The following CLIP1 variants were observed in gnomAD, a reference collection of about 807,000 sequenced individuals.
CLIP1 encodes CAP-Gly domain containing linker protein 1, also known as CAP-Gly domain-containing linker protein 1.
CLIP1 carries 66 observed loss-of-function variants against 161.6 expected under a neutral mutation model. The ratio of observed to expected loss-of-function variants is 0.41; its 90% CI spans 0.33 to 0.50. The LOEUF (loss-of-function observed/expected upper bound fraction) is 0.50. Among genes scored for constraint, CLIP1 ranks in the 20% least tolerant of loss-of-function variants. CLIP1 has a pLI of 0.27. For synonymous variants in CLIP1, 598 were observed against 626.2 expected, an observed-to-expected ratio of 0.96 and a Z score of 0.67; for missense variants, 1,376 against 1,702.0, an observed-to-expected ratio of 0.81 and a Z score of 3.37.
intron 24 of CLIP1, chr12:122,274,476 A>T (rs12809220): frequency 0.25 from 42,181 of 170,302 alleles, 6,290 homozygotes; most frequent in East Asian, 0.63. Context: ...TTAAAAAAAA[A>T]TTTAAATTAC....
chr12:122,407,601 TGAA>T (rs1956369081), intron 1 of CLIP1, among the ~76,000 whole-genome samples: 1 of 150,724 alleles, frequency 6.6e-6, no homozygotes, highest in South Asian at 2.1e-4. Context: ...TCTGGGAGGC[TGAA>T]GGAGGATCAC....
chr12:122,388,364 C>A (rs565049468), intron 1 of CLIP1, among the ~76,000 whole-genome samples: 23 of 152,272 alleles, frequency 1.5e-4, no homozygotes, highest in African/African-American at 5.5e-4. Flanking sequence ...GGACTACAGG[C>A]ACCTGCAACC....
chr12:122,383,573 G>A (rs978011432), intron 1 of CLIP1, among the ~76,000 whole-genome samples: 1 of 152,142 alleles, frequency 6.6e-6, no homozygotes, highest in African/African-American at 2.4e-5. Flanking sequence ...TGTGACCAAG[G>A]TTTAATGAAG....
intron 1 of CLIP1, among the ~76,000 whole-genome samples, chr12:122,389,533 C>G (rs1361659584): frequency 6.6e-6 from 1 of 151,930 alleles, no homozygotes; most frequent in South Asian, 2.1e-4. Flanking sequence ...CCAAAGCCGG[C>G]GGATCACTTG....
chr12:122,369,479 G>A (rs919246160), intron 3 of CLIP1, among the ~76,000 whole-genome samples: 21 of 151,774 alleles, frequency 1.4e-4, no homozygotes, highest in Non-Finnish European at 2.6e-4. Context: ...AGTGACGACT[G>A]TATTCAAAAC....
rs149906305 is a variant in CLIP1, at chr12:122,345,083, T to C, written c.1506+2292A>G. ...AAAAAATATATTACTTCAAAAGCCA[T>C]CACACTAAAGGAACTCAATCTCATT... On this transcript the variant is annotated intron_variant, in intron 10 of 25. Transcript: ENST00000620786. Among the ~76,000 whole-genome samples, 301 of 152,042 alleles carry C rather than the reference T, an allele frequency of 2.0e-3. 3 individuals carry two copies. Among genetic ancestry groups the C allele is most frequent in the African/African-American group, 7.0e-3 (289 of 41,446 alleles).
At chr12:122,289,564 T>C (rs1956009314) in intron 20 of CLIP1, among the ~76,000 whole-genome samples, 1 of 152,180 alleles carries the variant, frequency 6.6e-6, no homozygotes, top group African/African-American at 2.4e-5. Context: ...TGTACTCACA[T>C]CCATCAATTC....
At chr12:122,394,523 G>A (rs1423510899) in intron 1 of CLIP1, among the ~76,000 whole-genome samples, 1 of 150,320 alleles carries the variant, frequency 6.7e-6, no homozygotes, top group Non-Finnish European at 1.5e-5. Context: ...GATGGAAAGG[G>A]ACAATTTATC....
Position 122,272,691 on chromosome 12 carries a change from A to G in CLIP1, c.*184T>C. ...GTGAAAACTCACCTACTAAATATTT[A>G]TTATTCTAACTCATACGGGGAGACT... On this transcript the variant is annotated 3_prime_UTR_variant, in exon 26 of 26. Coordinates refer to ENST00000620786, the MANE Select transcript of CLIP1 (RefSeq NM_001247997.2). 5.1e-6 allele frequency: 3 copies of G among 586,158 alleles called. No homozygotes were observed. The highest frequency in any genetic ancestry group is 6.1e-6 in the Non-Finnish European group (2 of 328,434). 36.3% of individuals were successfully genotyped at this position (586,158 alleles called of 1,614,324 possible). A position where few individuals can be genotyped will look rare whatever the true frequency, so the allele number is the denominator to read the frequency against.
Position 122,273,114 on chromosome 12 carries a change from T to C in CLIP1, c.4092-14A>G, listed in dbSNP as rs1323279333. On this transcript the variant is annotated splice_polypyrimidine_tract_variant and intron_variant, in intron 25 of 25. Transcript: ENST00000620786. ...TCCTGATCATCACTACAAATGTTAA[T>C]GTGTGAAATCAGAAAATTTATCAGA... 3 of 1,603,330 alleles carry C rather than the reference T, an allele frequency of 1.9e-6. No homozygotes were observed. In the South Asian group the frequency reaches 3.3e-5, roughly 18 times the overall value.
At chr12:122,301,495 G>A (rs553136802) in intron 20 of CLIP1, among the ~76,000 whole-genome samples, 4 of 152,138 alleles carry the variant, frequency 2.6e-5, no homozygotes, top group South Asian at 2.1e-4. Context: ...CCAATATGGC[G>A]AAACCCCATC....
At chr12:122,390,597 C>T (rs989292461) in intron 1 of CLIP1, among the ~76,000 whole-genome samples, 3 of 151,780 alleles carry the variant, frequency 2.0e-5, no homozygotes, top group African/African-American at 7.3e-5. Context: ...CAGGTGTGAG[C>T]CACTGCACCT....
intron 5 of CLIP1, among the ~76,000 whole-genome samples, chr12:122,356,905 G>C (rs1259019840): frequency 6.6e-6 from 1 of 152,250 alleles, no homozygotes; most frequent in Admixed American, 6.5e-5. Flanking sequence ...CTCCCGAGGT[G>C]CCGAGATTGC....
chr12:122,344,966 T>C (rs1199620733), intron 10 of CLIP1, among the ~76,000 whole-genome samples: 1 of 145,910 alleles, frequency 6.9e-6, no homozygotes, highest in Admixed American at 7.0e-5. Flanking sequence ...TAAACCATGG[T>C]GTAACTGAAT....
intron 8 of CLIP1, among the ~76,000 whole-genome samples, chr12:122,352,057 A>C (rs1593135784): frequency 9.5e-6 from 1 of 105,262 alleles, no homozygotes; most frequent in Admixed American, 1.1e-4. Context: ...TTTGTTGTGG[A>C]CTTTTTTTTT....
intron 1 of CLIP1, among the ~76,000 whole-genome samples, chr12:122,402,518 G>C (rs1376325407): frequency 6.6e-6 from 1 of 152,014 alleles, no homozygotes; most frequent in Non-Finnish European, 1.5e-5. Context: ...GTTCATGCCT[G>C]TAATCCCAGC....
At chr12:122,410,511 T>C (rs940032720) in intron 1 of CLIP1, among the ~76,000 whole-genome samples, 2 of 147,530 alleles carry the variant, frequency 1.4e-5, no homozygotes, top group African/African-American at 5.0e-5. Context: ...CAGGCTGGAG[T>C]GCAGTGGCGC....
intron 1 of CLIP1, among the ~76,000 whole-genome samples, chr12:122,383,182 A>G (rs756963222): frequency 5.3e-5 from 8 of 152,220 alleles, no homozygotes; most frequent in South Asian, 2.1e-4. Context: ...GACAAGGGCC[A>G]GGTAGAACTG....
intron 3 of CLIP1, chr12:122,364,849 G>C: frequency 1.3e-6 from 1 of 743,046 alleles, no homozygotes; most frequent in Non-Finnish European, 2.4e-6. Flanking sequence ...AGAAAAAATG[G>C]AGTTGCTCCT....
Sources: gnomAD v4.1 joint callset for allele counts (sites outside exome capture counted in the v4.1 genomes callset) on GRCh38, gnomAD v4.1.1 for gene constraint, MANE v1.5 for transcripts, NCBI Gene and HGNC (gene_info 2026-07-23, HGNC 2026-07-21) for gene names.